The following STK40 variants were observed in gnomAD, a reference collection of about 807,000 sequenced individuals.
STK40 encodes serine/threonine kinase 40.
A neutral mutation model predicts 47.9 loss-of-function variants in STK40; 13 were observed. That is an observed-to-expected ratio of 0.27 (90% CI 0.18 to 0.43). The LOEUF is 0.43. Among genes scored for constraint, STK40 ranks in the 20% least tolerant of loss-of-function variants. The probability of loss-of-function intolerance (pLI) is 1.00; values close to 1 mark genes in which losing one functional copy is unlikely to be tolerated. For synonymous variants in STK40, 225 were observed against 243.2 expected (o/e 0.93, Z 0.69); for missense variants, 460 against 595.1 (o/e 0.77, Z 2.36).
In STK40 at chr1:36,358,305, G is replaced by A. The variant is rs779650610; in HGVS notation, c.276C>T (p.Thr92=). The A allele has an allele frequency of 1.5e-5, 24 of 1,610,018 alleles. No homozygotes were observed. The highest frequency in any genetic ancestry group is 8.9e-5 in the East Asian group (4 of 44,718). Residue 92 remains threonine (T), a synonymous_variant, in exon 4 of 11, where the codon ACC becomes ACT. Coordinates refer to ENST00000373132, the MANE Select transcript of STK40 (RefSeq NM_001282547.2). ...EERQGKMLLH[T]EYSLLSLLHT... Reference sequence around the variant, plus strand: ...GCAGGAGAGACAGCAGTGAGTACTCGGTGTGCAGCAGCATCTTGCCCTGCC... The same window carrying A: ...GCAGGAGAGACAGCAGTGAGTACTCAGTGTGCAGCAGCATCTTGCCCTGCC...
intron 1 of STK40, among the ~76,000 whole-genome samples, chr1:36,366,567 C>T (rs1247938321): frequency 6.6e-6 from 1 of 152,144 alleles, no homozygotes; most frequent in Non-Finnish European, 1.5e-5. Context: ...AATCATCTGG[C>T]TGTGCGTCCC....
chr1:36,353,253 G>A (rs112831590), intron 6 of STK40, among the ~76,000 whole-genome samples: 11 of 152,208 alleles, frequency 7.2e-5, no homozygotes, highest in Non-Finnish European at 1.5e-4. Flanking sequence ...GGGTGGGGGC[G>A]GAGTGGGGGA....
At chr1:36,362,355 G>A (rs1646860027) in intron 1 of STK40, among the ~76,000 whole-genome samples, 1 of 152,198 alleles carries the variant, frequency 6.6e-6, no homozygotes, top group African/African-American at 2.4e-5. Flanking sequence ...TGGGTGCAGG[G>A]CTCCGGGAAA....
At chr1:36,344,310 C>T (rs780820328) in intron 7 of STK40, 46 bp from the exon 8 acceptor site, 2 of 1,523,374 alleles carry the variant, frequency 1.3e-6, no homozygotes, top group Non-Finnish European at 1.8e-6. Flanking sequence ...ACAGCACCAC[C>T]GTGGCTCACC....
chr1:36,350,933 C>A (rs1002718162), intron 6 of STK40, among the ~76,000 whole-genome samples: 1 of 152,160 alleles, frequency 6.6e-6, no homozygotes, highest in Admixed American at 6.5e-5. Context: ...TTTGGCAACA[C>A]TCCCCTGCCC....
At chr1:36,344,383 T>C in intron 7 of STK40, 119 bp from the exon 8 acceptor site, 1 of 1,299,778 alleles carries the variant, frequency 7.7e-7, no homozygotes, top group East Asian at 2.6e-5. Context: ...CCCAGAGTCG[T>C]CCTCTGAGCT....
In STK40 at chr1:36,344,094, C is replaced by G. The variant is rs201732054; in HGVS notation, c.884+26G>C. The G allele has an allele frequency of 7.8e-5, 124 of 1,585,692 alleles. No individual in the cohort carries two copies. In the Middle Eastern group the frequency reaches 1.2e-3, roughly 15 times the overall value. On this transcript the variant is annotated intron_variant, in intron 8 of 10. Coordinates refer to ENST00000373132, the MANE Select transcript of STK40 (RefSeq NM_001282547.2). The stretch of plus-strand genomic sequence containing the variant: ...TAAGCCCATCAGGCTGGCTGCCCCC[C>G]CCACCCCCCGGGAGGCAGGACTCAC...
At position 36,371,922 on chromosome 1, in the gene STK40, T is replaced by C. The variant is rs545820629; in HGVS notation, c.-8-10582A>G. ...CTGAGGCAGGAGAATTGCTTGAACCTGGAGGTGAAGGTTGCAGTGAGCCGA... is the reference window on the plus strand; with the variant it reads ...CTGAGGCAGGAGAATTGCTTGAACCCGGAGGTGAAGGTTGCAGTGAGCCGA... On this transcript the variant is annotated intron_variant, in intron 1 of 10. Transcript: ENST00000373132. 2.0e-5 allele frequency among the ~76,000 whole-genome samples: 3 copies of C among 148,730 alleles called. No homozygotes were observed. In the East Asian group the frequency reaches 6.2e-4, roughly 31 times the overall value.
At chr1:36,370,678 A>T (rs564081232) in intron 1 of STK40, among the ~76,000 whole-genome samples, 5 of 152,056 alleles carry the variant, frequency 3.3e-5, no homozygotes, top group African/African-American at 1.2e-4. Context: ...GGCGGCTCAC[A>T]CTCTCAGATT....
chr1:36,370,195 G>C (rs910367015), intron 1 of STK40, among the ~76,000 whole-genome samples: 5 of 152,246 alleles, frequency 3.3e-5, no homozygotes, highest in Admixed American at 6.5e-5. Flanking sequence ...CCCTACTGAA[G>C]AATTAAAACT....
At position 36,339,719 on chromosome 1, in the gene STK40, TC is replaced by T. The variant is rs2124719608; in HGVS notation, c.*2035del. ...TTATACAAACTTTTTTGTGACTTTT[TC>T]CGTTTCTTTACAATAGGACTTCTCT... is the stretch of plus-strand genomic sequence containing the variant. On this transcript the variant is annotated 3_prime_UTR_variant, in exon 11 of 11. Transcript: ENST00000373132. 6.5e-6 allele frequency: 1 copy of T among 152,830 alleles called. No homozygotes were observed. The highest frequency in any genetic ancestry group is 1.9e-4 in the East Asian group (1 of 5,190). 9.5% of individuals were successfully genotyped at this position (152,830 alleles called of 1,614,324 possible). A position where few individuals can be genotyped will look rare whatever the true frequency, so the allele number is the denominator to read the frequency against.
chr1:36,345,992 T>TATATATATATATATATATA (rs1553135170), intron 7 of STK40, among the ~76,000 whole-genome samples: 2 of 19,492 alleles, frequency 1.0e-4, no homozygotes, highest in African/African-American at 3.3e-4. Flanking sequence ...TATATATATA[T>TATATATATATATATATATA]TTTTTTTTTT....
chr1:36,342,271 T>C, intron 10 of STK40: 2 of 416,172 alleles, frequency 4.8e-6, no homozygotes, highest in Non-Finnish European at 9.0e-6. Flanking sequence ...GCCTTAGCTG[T>C]CTGGCCCCTC....
chr1:36,348,626 A>G (rs1311908167), intron 7 of STK40, 74 bp downstream of exon 7: 1 of 1,447,896 alleles, frequency 6.9e-7, no homozygotes, highest in East Asian at 2.5e-5. Flanking sequence ...CCTGCCCACA[A>G]ATTTGCTGAG....
chr1:36,375,007 G>A (rs1262826926), intron 1 of STK40, among the ~76,000 whole-genome samples: 1 of 152,164 alleles, frequency 6.6e-6, no homozygotes, highest in East Asian at 1.9e-4. Context: ...GCCCAAATCA[G>A]GCAAGGAGAA....
intron 2 of STK40, among the ~76,000 whole-genome samples, chr1:36,360,015 A>G (rs1423263126): frequency 1.3e-5 from 2 of 152,020 alleles, no homozygotes; most frequent in African/African-American, 4.8e-5. Flanking sequence ...TGCCTGCCCT[A>G]CCTACGGGCC....
At chr1:36,377,135 C>T (rs1464564097) in intron 1 of STK40, among the ~76,000 whole-genome samples, 1 of 152,118 alleles carries the variant, frequency 6.6e-6, no homozygotes, top group African/African-American at 2.4e-5. Context: ...GGAGGGAGAG[C>T]TTTATTTTAT....
intron 2 of STK40, among the ~76,000 whole-genome samples, chr1:36,360,618 C>T (rs1159940105): frequency 6.6e-6 from 1 of 152,008 alleles, no homozygotes; most frequent in African/African-American, 2.4e-5. Flanking sequence ...TCACTGTAAC[C>T]TCAAACTCCT....
chr1:36,373,399 T>C (rs1646966762), intron 1 of STK40, among the ~76,000 whole-genome samples: 3 of 152,322 alleles, frequency 2.0e-5, no homozygotes, highest in Admixed American at 2.0e-4. Context: ...CTTTCTGATG[T>C]GGATTCTCCC....
Sources: gnomAD v4.1 joint callset for allele counts (sites outside exome capture counted in the v4.1 genomes callset) on GRCh38, gnomAD v4.1.1 for gene constraint, MANE v1.5 for transcripts, NCBI Gene and HGNC (gene_info 2026-07-23, HGNC 2026-07-21) for gene names.